The following OSTF1 variants were observed in gnomAD, a reference collection of about 807,000 sequenced individuals.
The protein encoded by OSTF1 is osteoclast-stimulating factor 1.
In OSTF1, 27 loss-of-function variants were observed where a neutral mutation model predicts 37.2. The ratio of observed to expected loss-of-function variants is 0.73; its 90% CI spans 0.54 to 1.00. The LOEUF (loss-of-function observed/expected upper bound fraction) is 1.00. OSTF1 is among the 50% of genes least tolerant of loss of function. The pLI is 0.00. For synonymous variants in OSTF1, 82 were observed against 89.2 expected (o/e 0.92, Z 0.46); for missense variants, 232 against 253.8 (o/e 0.91, Z 0.58).
chr9:75,098,629 C>T (rs1564153778), intron 1 of OSTF1, among the ~76,000 whole-genome samples: 1 of 152,046 alleles, frequency 6.6e-6, no homozygotes, highest in Non-Finnish European at 1.5e-5. Flanking sequence ...TCTGTAGACC[C>T]AAGATGTGAA....
At chr9:75,139,606 T>G (rs1378560713) in intron 8 of OSTF1, among the ~76,000 whole-genome samples, 1 of 152,124 alleles carries the variant, frequency 6.6e-6, no homozygotes, top group Non-Finnish European at 1.5e-5. Context: ...TTTTTGTATT[T>G]TTAGTAGAGA....
intron 1 of OSTF1, among the ~76,000 whole-genome samples, chr9:75,116,928 C>T (rs1455151362): frequency 6.6e-6 from 1 of 152,078 alleles, no homozygotes; most frequent in African/African-American, 2.4e-5. Flanking sequence ...GCACTCAATT[C>T]TGAAATACCA....
chr9:75,130,145 G>C (rs779095699), intron 3 of OSTF1, among the ~76,000 whole-genome samples: 2 of 151,932 alleles, frequency 1.3e-5, no homozygotes, highest in African/African-American at 2.4e-5. Context: ...CTACTTTTTT[G>C]TAAGTTTAAA....
rs543544109 is a variant in OSTF1, at chr9:75,114,176, T to C, written c.35-3328T>C. On this transcript the variant is annotated intron_variant, in intron 1 of 9. Coordinates refer to ENST00000346234, the MANE Select transcript of OSTF1 (RefSeq NM_012383.5). ...TATTGTGTGTGTGTGTGTGTGTGTATGTATCACATTTTAAAAATTCATTCT... is the reference window on the plus strand; with the variant it reads ...TATTGTGTGTGTGTGTGTGTGTGTACGTATCACATTTTAAAAATTCATTCT... 2.9e-3 allele frequency among the ~76,000 whole-genome samples: 438 copies of C among 152,290 alleles called. 1 individual carries two copies. Among genetic ancestry groups the C allele is most frequent in the African/African-American group, 0.01 (429 of 41,558 alleles).
chr9:75,141,567 T>TAAATTA (rs1458933256), intron 9 of OSTF1, among the ~76,000 whole-genome samples: 5 of 152,178 alleles, frequency 3.3e-5, no homozygotes, highest in Non-Finnish European at 7.3e-5. Context: ...AATATGTATT[T>TAAATTA]ATGAGTGATT....
intron 2 of OSTF1, among the ~76,000 whole-genome samples, chr9:75,117,954 G>A (rs1825518563): frequency 6.6e-6 from 1 of 152,104 alleles, no homozygotes; most frequent in South Asian, 2.1e-4. Context: ...TTATTCCTCT[G>A]CAGTGTGCAT....
At chr9:75,121,022 A>AG (rs1825572743) in intron 2 of OSTF1, among the ~76,000 whole-genome samples, 1 of 152,226 alleles carries the variant, frequency 6.6e-6, no homozygotes, top group South Asian at 2.1e-4. Context: ...ACAGCGTCTG[A>AG]GGAAGCAGGG....
intron 4 of OSTF1, among the ~76,000 whole-genome samples, chr9:75,131,082 C>T (rs979907201): frequency 4.6e-5 from 7 of 152,212 alleles, no homozygotes; most frequent in Non-Finnish European, 1.0e-4. Context: ...GACACGGCTC[C>T]CGCCATGAAG....
chr9:75,091,329 G>A (rs1025990353), intron 1 of OSTF1, among the ~76,000 whole-genome samples: 11 of 151,982 alleles, frequency 7.2e-5, no homozygotes, highest in Middle Eastern at 3.4e-3. Flanking sequence ...ACCCTCCTTC[G>A]CTTCCCAAAG....
At chr9:75,134,547 C>A in intron 7 of OSTF1, 152 bp downstream of exon 7, 2 of 541,892 alleles carry the variant, frequency 3.7e-6, no homozygotes, top group South Asian at 2.6e-5. Flanking sequence ...TTATCCACAG[C>A]CCCAAGTGCC....
rs559661301 is a variant in OSTF1, at chr9:75,101,543, C to T, written c.34+12817C>T. On this transcript the variant is annotated intron_variant, in intron 1 of 9. Coordinates refer to ENST00000346234, the MANE Select transcript of OSTF1 (RefSeq NM_012383.5). ...ATGGACTTTTGTGGAGGCTCTTGTACGTGCTACATAAGAACATTTGAATCC... is the reference window on the plus strand; with the variant it reads ...ATGGACTTTTGTGGAGGCTCTTGTATGTGCTACATAAGAACATTTGAATCC... 1.8e-4 allele frequency among the ~76,000 whole-genome samples: 27 copies of T among 152,248 alleles called. No homozygotes were observed. In the South Asian group the frequency reaches 2.1e-3, roughly 12 times the overall value.
intron 2 of OSTF1, among the ~76,000 whole-genome samples, chr9:75,126,638 G>A (rs1825666452): frequency 6.6e-6 from 1 of 152,214 alleles, no homozygotes; most frequent in Non-Finnish European, 1.5e-5. Context: ...CTGTCACCCA[G>A]GCTGGAGTGC....
intron 1 of OSTF1, among the ~76,000 whole-genome samples, chr9:75,100,244 C>T (rs1209486179): frequency 5.9e-5 from 9 of 152,180 alleles, no homozygotes; most frequent in Non-Finnish European, 7.3e-5. Context: ...CTCACTGCCA[C>T]GCCATCCACA....
At chr9:75,116,137 A>C (rs1825484813) in intron 1 of OSTF1, among the ~76,000 whole-genome samples, 1 of 151,860 alleles carries the variant, frequency 6.6e-6, no homozygotes, top group Admixed American at 6.6e-5. Context: ...ATAATACAAT[A>C]ATACAAATAA....
At chr9:75,109,913 TTTTAGAGCAG>T (rs1298989613) in intron 1 of OSTF1, among the ~76,000 whole-genome samples, 1 of 152,248 alleles carries the variant, frequency 6.6e-6, no homozygotes, top group Non-Finnish European at 1.5e-5. Flanking sequence ...AGACTATTTT[TTTTAGAGCAG>T]TTTTAGTTTT....
At chr9:75,108,450 G>C (rs1035404001) in intron 1 of OSTF1, among the ~76,000 whole-genome samples, 1 of 151,096 alleles carries the variant, frequency 6.6e-6, no homozygotes, top group Non-Finnish European at 1.5e-5. Context: ...TTAATATATT[G>C]AAATTCTCTC....
chr9:75,094,631 C>A (rs987432136), intron 1 of OSTF1, among the ~76,000 whole-genome samples: 5 of 151,744 alleles, frequency 3.3e-5, no homozygotes, highest in Non-Finnish European at 7.4e-5. Flanking sequence ...CAAAGTTGTC[C>A]TCACTTGCTT....
chr9:75,132,372 C>T (rs1305352177), intron 5 of OSTF1, among the ~76,000 whole-genome samples: 1 of 152,174 alleles, frequency 6.6e-6, no homozygotes, highest in Non-Finnish European at 1.5e-5. Context: ...GGGCTTTATT[C>T]TGTAGATCAG....
chr9:75,134,325 T>C (rs749036954), intron 6 of OSTF1, 21 bp from the exon 7 acceptor site: 78 of 1,376,836 alleles, frequency 5.7e-5, no homozygotes, highest in Non-Finnish European at 7.5e-5. Context: ...TTAAAAGGTA[T>C]CTTTTCTCTT....
Sources: allele counts gnomAD v4.1 joint callset (sites outside exome capture counted in the v4.1 genomes callset), GRCh38; gene constraint gnomAD v4.1.1; transcripts MANE v1.5; gene names NCBI Gene and HGNC (gene_info 2026-07-23, HGNC 2026-07-21).